WDFY4: variants seen among roughly 807,000 people sequenced by gnomAD.
The protein encoded by WDFY4 is WDFY family member 4.
In WDFY4, 169 loss-of-function variants were observed where a neutral mutation model predicts 351.9. The observed-to-expected ratio is 0.48, with a 90% CI of 0.42 to 0.55. The LOEUF (loss-of-function observed/expected upper bound fraction) is 0.55, where lower values mean the gene tolerates loss of function less well. Ranked by LOEUF, WDFY4 falls within the 20% of genes least tolerant of loss-of-function variation. WDFY4 has a pLI of 0.00. For missense variants in WDFY4, 3,803 were observed against 3,935.6 expected (o/e 0.97, Z 0.90); for synonymous variants, 1,622 against 1,574.6 (o/e 1.03, Z -0.71).
At position 48,780,088 on chromosome 10, in the gene WDFY4, G is replaced by A; in HGVS notation, c.3545G>A (p.Cys1182Tyr). Residue 1182 changes from cysteine to tyrosine, a missense_variant, in exon 19 of 62, where the codon TGT (cysteine) becomes TAT (tyrosine). Cys to Tyr is a radical substitution (Grantham distance 194). This residue lies in a region of WDFY4 where 3,054 missense variants were observed against 3,148.6 expected (regional missense o/e 0.97). Coordinates refer to ENST00000325239, the MANE Select transcript of WDFY4 (RefSeq NM_001394531.1). ...AAAAGGCATTGTACAGTTTCCACCT[G>A]TCTGGATGGACAGGTCATTGGCTCT... ...EMKRHCTVST[C>Y]LDGQVIGSAK... The A allele has an allele frequency of 6.4e-7, 1 of 1,552,068 alleles. No homozygotes were observed. The highest frequency in any genetic ancestry group is 1.2e-5 in the South Asian group (1 of 84,068).
At chr10:48,969,773 C>T (rs983722878) in intron 56 of WDFY4, among the ~76,000 whole-genome samples, 1 of 151,682 alleles carries the variant, frequency 6.6e-6, no homozygotes, top group Non-Finnish European at 1.5e-5. Context: ...AATGAATTCC[C>T]TATCCCCCAA....
intron 1 of WDFY4, among the ~76,000 whole-genome samples, chr10:48,699,234 A>AC (rs2063414378): frequency 6.6e-6 from 1 of 152,082 alleles, no homozygotes; most frequent in Admixed American, 6.5e-5. Context: ...GGCCATAGCC[A>AC]CTCTGAGACA....
chr10:48,956,718 G>A (rs957526523), intron 51 of WDFY4, among the ~76,000 whole-genome samples: 1 of 152,100 alleles, frequency 6.6e-6, no homozygotes, highest in East Asian at 1.9e-4. Context: ...CCTGCCTGTG[G>A]AACTTGGCCA....
chr10:48,693,142 G>T (rs1011376064), intron 1 of WDFY4, among the ~76,000 whole-genome samples: 1 of 152,198 alleles, frequency 6.6e-6, no homozygotes, highest in East Asian at 1.9e-4. Context: ...CAAGGAGGGG[G>T]TTGAGTCCTA....
At chr10:48,833,187 G>GAA (rs2068257187) in intron 39 of WDFY4, among the ~76,000 whole-genome samples, 1 of 151,808 alleles carries the variant, frequency 6.6e-6, no homozygotes, top group Admixed American at 6.6e-5. Context: ...GAGAGAGAGA[G>GAA]AGAGAGAGAG....
chr10:48,719,571 A>G (rs2064011667), intron 2 of WDFY4, among the ~76,000 whole-genome samples: 1 of 152,220 alleles, frequency 6.6e-6, no homozygotes, highest in African/African-American at 2.4e-5. Context: ...GAAATAATCA[A>G]ATGACTAAAA....
chr10:48,977,672 C>G (rs141690682), intron 59 of WDFY4, among the ~76,000 whole-genome samples: 1 of 152,178 alleles, frequency 6.6e-6, no homozygotes, highest in African/African-American at 2.4e-5. Context: ...TCTCCTGGGC[C>G]CCCCCAAAGC....
At position 48,757,098 on chromosome 10, in the gene WDFY4, C is replaced by T. The variant is rs531976341; in HGVS notation, c.2460-3249C>T. ...GTGGGCAGGTTTTTAGCTACATATT[C>T]GGTTTTTGTAATAGCTATAAATGAT... is the stretch of plus-strand genomic sequence containing the variant. On this transcript the variant is annotated intron_variant, in intron 12 of 61. Coordinates refer to ENST00000325239, the MANE Select transcript of WDFY4 (RefSeq NM_001394531.1). Among the ~76,000 whole-genome samples, 33 of 152,072 alleles carry T rather than the reference C, an allele frequency of 2.2e-4. No individual in the cohort carries two copies. The South Asian group carries it at 3.7e-3, about 17-fold the overall frequency.
At chr10:48,952,430 C>T (rs534489044) in intron 51 of WDFY4, among the ~76,000 whole-genome samples, 54 of 152,318 alleles carry the variant, frequency 3.5e-4, no homozygotes, top group African/African-American at 1.3e-3. Context: ...TTCAGGATCT[C>T]CAACACCGTC....
At chr10:48,741,452 CAAAAAAAA>C (rs55984300) in intron 11 of WDFY4, among the ~76,000 whole-genome samples, 1 of 66,306 alleles carries the variant, frequency 1.5e-5, no homozygotes, top group Non-Finnish European at 2.5e-5. Flanking sequence ...GACTCCGTCT[CAAAAAAAA>C]AAAAAAAAAA....
intron 47 of WDFY4, among the ~76,000 whole-genome samples, chr10:48,937,985 C>T (rs542618437): frequency 2.0e-5 from 3 of 152,340 alleles, no homozygotes; most frequent in Non-Finnish European, 4.4e-5. Context: ...CAGGAAGCCT[C>T]GCCTGGCAAT....
intron 13 of WDFY4, among the ~76,000 whole-genome samples, chr10:48,761,916 A>C (rs2065519381): frequency 2.0e-5 from 3 of 152,222 alleles, no homozygotes; most frequent in African/African-American, 7.2e-5. Context: ...CCAATGGAGA[A>C]ATGTGAGTTC....
chr10:48,734,160 A>G, intron 10 of WDFY4, 125 bp downstream of exon 10: 1 of 788,884 alleles, frequency 1.3e-6, no homozygotes, highest in East Asian at 2.7e-5. Context: ...AGCTGTGGCT[A>G]ATGATCCTCT....
intron 2 of WDFY4, among the ~76,000 whole-genome samples, chr10:48,718,158 TTACA>T (rs1463657398): frequency 6.6e-6 from 1 of 152,256 alleles, no homozygotes; most frequent in African/African-American, 2.4e-5. Flanking sequence ...TTATTTTGTC[TTACA>T]TAAATGATCT....
At chr10:48,961,924 T>A (rs767790578) in intron 53 of WDFY4, among the ~76,000 whole-genome samples, 2 of 151,952 alleles carry the variant, frequency 1.3e-5, no homozygotes, top group Non-Finnish European at 2.9e-5. Context: ...CCCAGACATA[T>A]GGGTTATGTC....
intron 31 of WDFY4, among the ~76,000 whole-genome samples, chr10:48,816,436 T>C (rs1230145271): frequency 3.9e-5 from 6 of 152,240 alleles, no homozygotes; most frequent in African/African-American, 1.4e-4. Flanking sequence ...GTCCATGTGG[T>C]GAAGATTTTT....
chr10:48,884,492 G>A (rs2070377131), intron 43 of WDFY4, among the ~76,000 whole-genome samples: 1 of 152,008 alleles, frequency 6.6e-6, no homozygotes, highest in Admixed American at 6.5e-5. Flanking sequence ...ACACACACAT[G>A]CATGCACAGA....
chr10:48,978,756 C>G (rs1314846916), intron 60 of WDFY4: 1 of 180,468 alleles, frequency 5.5e-6, no homozygotes, highest in Non-Finnish European at 1.2e-5. Context: ...TCCTCCAGCT[C>G]AGTCTTCAGA....
chr10:48,728,136 C>T (rs2064330755), intron 7 of WDFY4, among the ~76,000 whole-genome samples: 1 of 152,228 alleles, frequency 6.6e-6, no homozygotes. Context: ...TCCAGTGGCC[C>T]CATGAGGCGC....
Sources: allele counts gnomAD v4.1 joint callset (sites outside exome capture counted in the v4.1 genomes callset), GRCh38; gene constraint gnomAD v4.1.1; regional missense constraint gnomAD v4.1.1; transcripts MANE v1.5; gene names NCBI Gene and HGNC (gene_info 2026-07-23, HGNC 2026-07-21).